The following PLOD1 variants were observed in gnomAD, a reference collection of about 807,000 sequenced individuals.
PLOD1 encodes lysine hydroxylase.
Under a neutral mutation model 94.7 loss-of-function variants are expected in PLOD1, and 70 were observed. The observed-to-expected ratio is 0.74, with a 90% CI of 0.61 to 0.90. The LOEUF (loss-of-function observed/expected upper bound fraction) is 0.90. Among genes scored for constraint, PLOD1 ranks in the 40% least tolerant of loss-of-function variants. The probability of loss-of-function intolerance (pLI) is 0.00; values close to 1 mark genes in which losing one functional copy is unlikely to be tolerated. For synonymous variants in PLOD1, 417 were observed against 400.2 expected (o/e 1.04, Z -0.50); for missense variants, 905 against 972.7 (o/e 0.93, Z 0.93).
intron 16 of PLOD1, 56 bp downstream of exon 16, chr1:11,967,147 C>A (rs2273293): frequency 8.9e-7 from 1 of 1,126,260 alleles, no homozygotes; most frequent in Non-Finnish European, 1.4e-6. Context: ...CCATCAGTGC[C>A]GCTCACTGTC....
intron 1 of PLOD1, chr1:11,944,374 A>G: frequency 3.1e-6 from 1 of 323,602 alleles, no homozygotes; most frequent in Non-Finnish European, 6.0e-6. Flanking sequence ...CTGCTGCTGG[A>G]GTTCAAGAGC....
chr1:11,958,793 ACT>A lies in PLOD1; in HGVS notation c.975+147_975+148del, dbSNP rs1557492587. ...CACCAGTGGACTGTGTCCCCAAATC[ACT>A]GAGTTAACTTTGGAGTCAGACTGGG... On this transcript the variant is annotated intron_variant, in intron 9 of 18. Transcript: ENST00000196061. The surrounding 1 kb of genome is among the most constrained non-coding windows in gnomAD (Gnocchi z 4.3). The A allele has an allele frequency of 1.4e-4, 133 of 938,886 alleles. 2 individuals carry two copies. In the South Asian group the frequency reaches 1.8e-3, roughly 13 times the overall value. The allele number at this position is 938,886 out of a possible 1,614,324, so 58.2% of individuals were successfully genotyped here.
chr1:11,945,540 C>A (rs1645647468), intron 1 of PLOD1, among the ~76,000 whole-genome samples: 1 of 151,592 alleles, frequency 6.6e-6, no homozygotes, highest in Non-Finnish European at 1.5e-5. Context: ...TGCATGATCC[C>A]TTGCATGGGA....
rs1057152534 is a variant in PLOD1, at chr1:11,963,068, A to G, written c.1098-464A>G. On this transcript the variant is annotated intron_variant, in intron 10 of 18. Transcript: ENST00000196061. This position sits in a 1 kb window ranked among gnomAD's most constrained non-coding sequence, Gnocchi z 4.3. ...AAAAATAAAATAAAATAAAAATAAA[A>G]AAAAGAAAAACATAAAGCTGTTCTT... Among the ~76,000 whole-genome samples, 6 of 152,124 alleles carry G rather than the reference A, an allele frequency of 3.9e-5. No homozygotes were observed. The highest frequency in any genetic ancestry group is 1.4e-4 in the African/African-American group (6 of 41,412).
chr1:11,960,745 G>A lies in PLOD1; in HGVS notation c.1075G>A (p.Ala359Thr). The part of the protein sequence containing the change: ...LVGPEVRMAN[A>T]DARNMGADLC... ...GGGCCCTGAGGTGCGGATGGCGAAT[G>A]CAGATGCCAGGAACATGGGCGCGTG... The change falls in exon 10 of 19, where the codon GCA becomes ACA. Residue 359 changes from alanine (A) to threonine (T), a missense_variant. By Grantham distance (58) the Ala-to-Thr change is moderately conservative. Transcript: ENST00000196061. The A allele has an allele frequency of 1.2e-6, 2 of 1,613,268 alleles. No homozygotes were observed. The highest frequency in any genetic ancestry group is 4.5e-5 in the East Asian group (2 of 44,876).
In PLOD1 at chr1:11,941,439, C is replaced by A. The variant is rs527567932; in HGVS notation, c.77-6537C>A. On this transcript the variant is annotated intron_variant, in intron 1 of 18. Coordinates refer to ENST00000196061, the MANE Select transcript of PLOD1 (RefSeq NM_000302.4). ...CTCTGCCTCCTGGTTTCAAGTGATT[C>A]TCCTGCCTTAGTCTCCTAAGTAGCT... is the stretch of plus-strand genomic sequence containing the variant. Among the ~76,000 whole-genome samples, 3 of 149,330 alleles carry A rather than the reference C, an allele frequency of 2.0e-5. No homozygotes were observed. The East Asian group carries it at 5.8e-4, about 29-fold the overall frequency.
chr1:11,973,769 A>C (rs1476129764), intron 18 of PLOD1, among the ~76,000 whole-genome samples: 1 of 151,786 alleles, frequency 6.6e-6, no homozygotes, highest in Non-Finnish European at 1.5e-5. Flanking sequence ...GCTTTTAGAG[A>C]TGGGGTTTCA....
In PLOD1 at chr1:11,934,784, G is replaced by T; in HGVS notation, c.5G>T (p.Arg2Leu). The change falls in exon 1 of 19, where the codon CGG becomes CTG. Residue 2 changes from arginine (R) to leucine (L), a missense_variant. Transcript: ENST00000196061. The stretch of plus-strand genomic sequence containing the variant: ...ATCGTCCCCCATACCTCGGCCATGC[G>T]GCCCCTGCTGCTACTGGCCCTGCTG... M[R>L]PLLLLALLGW... is the part of the protein sequence containing the mutation. 1 of 1,538,130 alleles carries T rather than the reference G, an allele frequency of 6.5e-7. No homozygotes were observed. Among genetic ancestry groups the T allele is most frequent in the East Asian group, 2.5e-5 (1 of 40,432 alleles).
chr1:11,962,118 C>A (rs1645781795), intron 10 of PLOD1, among the ~76,000 whole-genome samples: 1 of 151,544 alleles, frequency 6.6e-6, no homozygotes, highest in Non-Finnish European at 1.5e-5. Flanking sequence ...TTTGTAGAGA[C>A]AGGATCTTGC....
intron 9 of PLOD1, among the ~76,000 whole-genome samples, chr1:11,959,305 C>T (rs949652050): frequency 6.6e-6 from 1 of 151,828 alleles, no homozygotes; most frequent in Non-Finnish European, 1.5e-5. Flanking sequence ...AGCTGACATG[C>T]GAAGTTCGTA....
intron 1 of PLOD1, among the ~76,000 whole-genome samples, chr1:11,945,761 T>G (rs1645649167): frequency 6.6e-6 from 1 of 152,166 alleles, no homozygotes; most frequent in Non-Finnish European, 1.5e-5. Context: ...CAGGCTGGAG[T>G]GCAGTGGTGC....
At chr1:11,954,310 C>CAAA (rs754503001) in intron 5 of PLOD1, 382 of 161,430 alleles carry the variant, frequency 2.4e-3, no homozygotes, top group East Asian at 8.8e-3. Flanking sequence ...CCATCTCTAG[C>CAAA]AAAAAAAAAA....
At chr1:11,948,486 G>A (rs1202142991) in intron 2 of PLOD1, among the ~76,000 whole-genome samples, 1 of 152,180 alleles carries the variant, frequency 6.6e-6, no homozygotes, top group Non-Finnish European at 1.5e-5. Context: ...TGTATTCCCA[G>A]CACTTTGGGA....
intron 6 of PLOD1, among the ~76,000 whole-genome samples, chr1:11,955,129 G>C (rs1254765044): frequency 6.6e-6 from 1 of 152,218 alleles, no homozygotes; most frequent in East Asian, 1.9e-4. Flanking sequence ...TGGGGGATGC[G>C]CACAGCAGGT....
intron 10 of PLOD1, among the ~76,000 whole-genome samples, chr1:11,962,543 T>C (rs1378279475): frequency 6.6e-6 from 1 of 152,154 alleles, no homozygotes; most frequent in East Asian, 1.9e-4. Flanking sequence ...CCCAAAGTGC[T>C]GGGATTACAG....
chr1:11,956,610 G>A (rs969377834), intron 6 of PLOD1, among the ~76,000 whole-genome samples: 10 of 152,024 alleles, frequency 6.6e-5, no homozygotes, highest in Admixed American at 1.3e-4. Flanking sequence ...CCAGGTCTTC[G>A]TTCTTCTCCC....
intron 3 of PLOD1, 97 bp downstream of exon 3, chr1:11,950,003 A>G: frequency 7.8e-7 from 1 of 1,288,360 alleles, no homozygotes; most frequent in Non-Finnish European, 1.1e-6. Context: ...AAGAAGGGGG[A>G]CCACTCTAGC....
At chr1:11,973,466 C>T (rs1356058199) in intron 18 of PLOD1, among the ~76,000 whole-genome samples, 1 of 152,126 alleles carries the variant, frequency 6.6e-6, no homozygotes, top group African/African-American at 2.4e-5. Context: ...TGCCACTGCA[C>T]TCCAGCCTGG....
chr1:11,967,139 A>G (rs773596374), intron 16 of PLOD1, 48 bp downstream of exon 16: 4 of 1,243,816 alleles, frequency 3.2e-6, no homozygotes, highest in African/African-American at 1.5e-5. Flanking sequence ...CTGCCTCTCC[A>G]TCAGTGCCGC....
Sources: allele counts gnomAD v4.1 joint callset (sites outside exome capture counted in the v4.1 genomes callset), GRCh38; gene constraint gnomAD v4.1.1; non-coding constraint Gnocchi (gnomAD v3.1); transcripts MANE v1.5; gene names NCBI Gene and HGNC (gene_info 2026-07-23, HGNC 2026-07-21).